The following CTNNA2 variants were observed in gnomAD, a reference collection of about 807,000 sequenced individuals.
The protein encoded by CTNNA2 is catenin alpha 2, also known as catenin alpha-2.
CTNNA2 carries 42 observed loss-of-function variants against 101.0 expected under a neutral mutation model. That is an observed-to-expected ratio of 0.42 (90% CI 0.32 to 0.54). The LOEUF is 0.54. CTNNA2 is among the 20% of genes least tolerant of loss of function. The probability of loss-of-function intolerance (pLI) is 0.14; values close to 1 mark genes in which losing one functional copy is unlikely to be tolerated. For missense variants in CTNNA2, 871 were observed against 1,223.1 expected, an observed-to-expected ratio of 0.71 and a Z score of 4.29; for synonymous variants, 450 against 456.4, an observed-to-expected ratio of 0.99 and a Z score of 0.18.
intron 2 of CTNNA2, among the ~76,000 whole-genome samples, chr2:79,741,148 T>C (rs1195491913): frequency 6.6e-6 from 1 of 151,934 alleles, no homozygotes; most frequent in African/African-American, 2.4e-5. Context: ...TTCCCAAGAG[T>C]GGTTAGTTTA....
chr2:79,280,553 T>C (rs2104331497), intron 2 of CTNNA2, among the ~76,000 whole-genome samples: 2 of 151,958 alleles, frequency 1.3e-5, no homozygotes, highest in Admixed American at 1.3e-4. Context: ...GCTTAAAAAC[T>C]GGGGTAACAA....
At chr2:80,160,333 A>G (rs1486604201) in intron 7 of CTNNA2, among the ~76,000 whole-genome samples, 7 of 152,202 alleles carry the variant, frequency 4.6e-5, no homozygotes, top group Non-Finnish European at 2.9e-5. Flanking sequence ...TTATACGTAC[A>G]AAAGTTTTTC....
intron 11 of CTNNA2, among the ~76,000 whole-genome samples, chr2:80,554,521 T>A (rs1692854058): frequency 1.3e-5 from 2 of 152,170 alleles, no homozygotes; most frequent in Non-Finnish European, 2.9e-5. Flanking sequence ...GACAAAGGAC[T>A]CTGCTTTCTC....
chr2:80,331,961 G>A (rs1671373636), intron 7 of CTNNA2, among the ~76,000 whole-genome samples: 1 of 152,068 alleles, frequency 6.6e-6, no homozygotes, highest in Non-Finnish European at 1.5e-5. Context: ...GTGCATTTGG[G>A]CAGATGCTAT....
intron 3 of CTNNA2, among the ~76,000 whole-genome samples, chr2:79,819,458 C>T (rs1454659887): frequency 6.6e-6 from 1 of 152,138 alleles, no homozygotes; most frequent in East Asian, 1.9e-4. Context: ...GTCCTTTGTA[C>T]AATACTTGGG....
intron 1 of CTNNA2, among the ~76,000 whole-genome samples, chr2:79,587,463 C>T (rs1676570878): frequency 1.3e-5 from 2 of 152,138 alleles, no homozygotes; most frequent in Non-Finnish European, 2.9e-5. Context: ...TGCCCATGCA[C>T]ACTTCCTTTC....
At chr2:79,825,399 GGTTCAAAATA>G (rs2105398174) in intron 3 of CTNNA2, among the ~76,000 whole-genome samples, 1 of 152,134 alleles carries the variant, frequency 6.6e-6, no homozygotes, top group Non-Finnish European at 1.5e-5. Flanking sequence ...GATAAGCGAT[GGTTCAAAATA>G]GTGACAGTGA....
chr2:79,562,296 A>T (rs1017412754), intron 1 of CTNNA2, among the ~76,000 whole-genome samples: 1 of 152,050 alleles, frequency 6.6e-6, no homozygotes, highest in African/African-American at 2.4e-5. Flanking sequence ...TATCATTATT[A>T]GACTGTTTTG....
chr2:79,466,907 T>C (rs364433), intron 4 of CTNNA2, among the ~76,000 whole-genome samples: 48,161 of 152,020 alleles, frequency 0.32, 7,761 homozygotes, highest in South Asian at 0.44. Context: ...CAAAGGTAGA[T>C]AAAACCACAA....
At chr2:80,096,178 T>C (rs968642875) in intron 7 of CTNNA2, among the ~76,000 whole-genome samples, 3 of 152,140 alleles carry the variant, frequency 2.0e-5, no homozygotes, top group Admixed American at 6.5e-5. Context: ...GCTTTGAATG[T>C]GTCCCAGAGA....
chr2:79,311,833 G>A (rs1194854452), intron 2 of CTNNA2, among the ~76,000 whole-genome samples: 1 of 152,310 alleles, frequency 6.6e-6, no homozygotes, highest in African/African-American at 2.4e-5. Context: ...AATGTGGTCA[G>A]TCTTTTCCTT....
At chr2:79,197,260 C>A (rs990342594) in intron 1 of CTNNA2, among the ~76,000 whole-genome samples, 1 of 152,130 alleles carries the variant, frequency 6.6e-6, no homozygotes, top group African/African-American at 2.4e-5. Context: ...TTGAATTTGG[C>A]AGAGACTCAA....
At chr2:79,314,954 G>A (rs112340393) in intron 3 of CTNNA2, among the ~76,000 whole-genome samples, 9 of 152,226 alleles carry the variant, frequency 5.9e-5, no homozygotes, top group Middle Eastern at 3.4e-3. Flanking sequence ...AGGCTCAAAG[G>A]CACATTTTGG....
chr2:79,735,271 G>A (rs868154816), intron 2 of CTNNA2, among the ~76,000 whole-genome samples: 7 of 152,218 alleles, frequency 4.6e-5, no homozygotes, highest in Middle Eastern at 3.4e-3. Flanking sequence ...ATTCTCTAGG[G>A]AAAATTGAGT....
At chr2:80,121,488 A>C (rs923772919) in intron 7 of CTNNA2, among the ~76,000 whole-genome samples, 2 of 152,216 alleles carry the variant, frequency 1.3e-5, no homozygotes. Flanking sequence ...ATAAAAAATA[A>C]CAATTATATT....
At chr2:79,552,835 C>A (rs1290709939) in intron 1 of CTNNA2, among the ~76,000 whole-genome samples, 1 of 152,188 alleles carries the variant, frequency 6.6e-6, no homozygotes, top group African/African-American at 2.4e-5. Flanking sequence ...CAGTGGGGCC[C>A]AGGGCCTGAC....
chr2:80,436,803 A>T (rs965364962), intron 9 of CTNNA2, among the ~76,000 whole-genome samples: 3 of 152,128 alleles, frequency 2.0e-5, no homozygotes, highest in African/African-American at 7.2e-5. Context: ...AATCCCATTC[A>T]CAAGGACTCC....
intron 9 of CTNNA2, among the ~76,000 whole-genome samples, chr2:80,533,181 A>G (rs1202522020): frequency 6.6e-6 from 1 of 152,194 alleles, no homozygotes; most frequent in Non-Finnish European, 1.5e-5. Context: ...GTATGTGGTA[A>G]GTTGCAATGG....
intron 3 of CTNNA2, among the ~76,000 whole-genome samples, chr2:79,775,066 A>T (rs1392907920): frequency 7.2e-5 from 11 of 152,198 alleles, no homozygotes; most frequent in Admixed American, 7.2e-4. Flanking sequence ...GGCGATATTC[A>T]TAAGAAAGAC....
Sources: allele counts gnomAD v4.1 joint callset (sites outside exome capture counted in the v4.1 genomes callset), GRCh38; gene constraint gnomAD v4.1.1; transcripts MANE v1.5; gene names NCBI Gene and HGNC (gene_info 2026-07-23, HGNC 2026-07-21).